Variants in SFMBT1 observed in about 807,000 individuals in gnomAD.
SFMBT1 encodes Scm like with four mbt domains 1, also known as scm-like with four MBT domains protein 1.
A neutral mutation model predicts 108.7 loss-of-function variants in SFMBT1; 32 were observed. That is an observed-to-expected ratio of 0.29 (90% confidence interval 0.22 to 0.40). The LOEUF is 0.40. Ranked by LOEUF, SFMBT1 falls within the 10% of genes least tolerant of loss-of-function variation. SFMBT1 has a pLI of 1.00. For synonymous variants in SFMBT1, 348 were observed against 369.5 expected (o/e 0.94, Z 0.67); for missense variants, 816 against 1,059.6 (o/e 0.77, Z 3.19).
At chr3:52,961,274 G>C (rs1488554386) in intron 2 of SFMBT1, among the ~76,000 whole-genome samples, 1 of 152,178 alleles carries the variant, frequency 6.6e-6, no homozygotes, top group Admixed American at 6.6e-5. Context: ...GTGGGTGCTA[G>C]GGGCTAGGGA....
chr3:52,962,011 C>A (rs2106845972), intron 2 of SFMBT1, among the ~76,000 whole-genome samples: 1 of 152,054 alleles, frequency 6.6e-6, no homozygotes, highest in African/African-American at 2.4e-5. Flanking sequence ...GAAATAAATG[C>A]ATAATCCTTA....
chr3:52,988,573 C>T (rs767475674), intron 1 of SFMBT1, among the ~76,000 whole-genome samples: 1 of 152,118 alleles, frequency 6.6e-6, no homozygotes, highest in Non-Finnish European at 1.5e-5. Context: ...AACAATGATA[C>T]TAGGAACAAG....
At chr3:52,991,200 C>T (rs569520822) in intron 1 of SFMBT1, among the ~76,000 whole-genome samples, 1 of 152,292 alleles carries the variant, frequency 6.6e-6, no homozygotes, top group East Asian at 1.9e-4. Context: ...CTCAACAGTT[C>T]TGTTGTACAC....
At chr3:52,946,841 G>A (rs1346391922) in intron 3 of SFMBT1, among the ~76,000 whole-genome samples, 1 of 146,026 alleles carries the variant, frequency 6.8e-6, no homozygotes, top group African/African-American at 2.5e-5. Context: ...GAGTGATCTC[G>A]GCTCACTGCA....
chr3:52,970,135 G>A (rs2106861068), intron 1 of SFMBT1, among the ~76,000 whole-genome samples: 1 of 152,008 alleles, frequency 6.6e-6, no homozygotes, highest in South Asian at 2.1e-4. Context: ...GCTTTATTGG[G>A]ATATAAGCCA....
rs564362766 is a variant in SFMBT1, at chr3:53,020,243, G to A, written c.-131+25573C>T. ...GTCTCTACTAAAAACACAAAAATTG[G>A]CCAGGCATGGTGGTGCATGCCTGTA... On this transcript the variant is annotated intron_variant, in intron 1 of 20. Transcript: ENST00000394752. Among the ~76,000 whole-genome samples, 3 of 151,998 alleles carry A rather than the reference G, an allele frequency of 2.0e-5. No homozygotes were observed. The East Asian group carries it at 5.8e-4, about 29-fold the overall frequency.
chr3:52,914,183 G>T (rs993358282), intron 14 of SFMBT1, among the ~76,000 whole-genome samples: 1 of 152,094 alleles, frequency 6.6e-6, no homozygotes, highest in African/African-American at 2.4e-5. Context: ...ACTGGGTCTG[G>T]AGACCCTTTT....
At chr3:53,042,810 A>T (rs1469537298) in intron 1 of SFMBT1, among the ~76,000 whole-genome samples, 2 of 150,680 alleles carry the variant, frequency 1.3e-5, no homozygotes, top group African/African-American at 2.5e-5. Context: ...CAAGAAATTT[A>T]AAAAGAGCCA....
At chr3:52,981,355 T>C (rs533006369) in intron 1 of SFMBT1, among the ~76,000 whole-genome samples, 240 of 151,276 alleles carry the variant, frequency 1.6e-3, no homozygotes, top group Non-Finnish European at 2.5e-3. Flanking sequence ...GATTTCCACC[T>C]GAATAGGTTT....
chr3:53,029,571 A>C (rs1699611939), intron 1 of SFMBT1, among the ~76,000 whole-genome samples: 1 of 152,228 alleles, frequency 6.6e-6, no homozygotes, highest in Non-Finnish European at 1.5e-5. Flanking sequence ...ATACCACCCA[A>C]ATACAGAAAT....
At chr3:52,931,568 G>A (rs960400120) in intron 6 of SFMBT1, among the ~76,000 whole-genome samples, 8 of 152,060 alleles carry the variant, frequency 5.3e-5, no homozygotes, top group Non-Finnish European at 8.8e-5. Context: ...GGCCAGGTAC[G>A]GTGTCTCACG....
At position 52,965,364 on chromosome 3, in the gene SFMBT1, C is replaced by T. The variant is rs1389179819; in HGVS notation, c.28+3737G>A. Among the ~76,000 whole-genome samples the T allele has an allele frequency of 2.1e-5, 3 of 143,420 alleles. No homozygotes were observed. The Admixed American group carries it at 2.1e-4, about 10-fold the overall frequency. The allele number at this position is 143,420 out of a possible 152,430, so 94.1% of individuals were successfully genotyped here. A position where few individuals can be genotyped will look rare whatever the true frequency, so the allele number is the denominator to read the frequency against. ...AAGAGAGTCTGAGGGACCTGTGGGA[C>T]AATAAGATAAGCTTAAACCCAAAAA... On this transcript the variant is annotated intron_variant, in intron 2 of 20. Transcript: ENST00000394752.
At chr3:52,907,377 T>TA (rs530514080) in intron 18 of SFMBT1, 63 bp from the exon 19 acceptor site, 83 of 1,526,966 alleles carry the variant, frequency 5.4e-5, no homozygotes, top group South Asian at 5.1e-5. Context: ...TTCATATGAT[T>TA]AAAAAAAAAT....
At chr3:53,029,401 C>T (rs1257962491) in intron 1 of SFMBT1, among the ~76,000 whole-genome samples, 2 of 152,116 alleles carry the variant, frequency 1.3e-5, no homozygotes, top group Non-Finnish European at 1.5e-5. Context: ...ATATACAACA[C>T]TGTAAGATTC....
intron 2 of SFMBT1, among the ~76,000 whole-genome samples, chr3:52,963,196 T>G (rs1468381473): frequency 6.6e-6 from 1 of 151,876 alleles, no homozygotes. Context: ...GGTTTTACCA[T>G]GTTGGCCAGG....
chr3:52,921,246 G>A (rs906211064), intron 11 of SFMBT1, among the ~76,000 whole-genome samples: 3 of 152,192 alleles, frequency 2.0e-5, no homozygotes, highest in Admixed American at 6.5e-5. Context: ...TATGGTAACC[G>A]TAGCACTGAG....
intron 8 of SFMBT1, among the ~76,000 whole-genome samples, chr3:52,930,036 A>G (rs1414132737): frequency 6.6e-6 from 1 of 152,172 alleles, no homozygotes; most frequent in East Asian, 1.9e-4. Flanking sequence ...GGCCTCCTAA[A>G]GGAGTTAAAT....
At chr3:52,982,749 A>AAAAAAT (rs1704758725) in intron 1 of SFMBT1, among the ~76,000 whole-genome samples, 1 of 150,398 alleles carries the variant, frequency 6.6e-6, no homozygotes, top group Non-Finnish European at 1.5e-5. Context: ...AAAAAAAAAA[A>AAAAAAT]AAAAGATATA....
intron 1 of SFMBT1, among the ~76,000 whole-genome samples, chr3:53,041,698 CAAAAAAAAAAA>C (rs59502728): frequency 9.3e-4 from 41 of 44,128 alleles, no homozygotes; most frequent in Non-Finnish European, 1.3e-3. Context: ...AAGTCTGTCT[CAAAAAAAAAAA>C]AAAAAAAAAA....
Sources: allele counts gnomAD v4.1 joint callset (sites outside exome capture counted in the v4.1 genomes callset), GRCh38; gene constraint gnomAD v4.1.1; transcripts MANE v1.5; gene names NCBI Gene and HGNC (gene_info 2026-07-23, HGNC 2026-07-21).